Variants in CNTNAP2 observed in about 807,000 individuals in gnomAD.
CNTNAP2 encodes the protein contactin associated protein 2, also known as contactin-associated protein-like 2.
A neutral mutation model predicts 155.2 loss-of-function variants in CNTNAP2; 98 were observed. The ratio of observed to expected loss-of-function variants is 0.63; its 90% CI spans 0.54 to 0.75. The LOEUF (loss-of-function observed/expected upper bound fraction) is 0.75. Ranked by LOEUF, CNTNAP2 falls within the 30% of genes least tolerant of loss-of-function variation. The pLI is 0.00. For missense variants in CNTNAP2, 1,727 were observed against 1,688.1 expected, an observed-to-expected ratio of 1.02 and a Z score of -0.40; for synonymous variants, 651 against 631.2, an observed-to-expected ratio of 1.03 and a Z score of -0.47.
At chr7:148,362,785 C>A (rs560522076) in intron 21 of CNTNAP2, among the ~76,000 whole-genome samples, 34 of 152,136 alleles carry the variant, frequency 2.2e-4, no homozygotes, top group Non-Finnish European at 4.6e-4. Context: ...CACTCCAGCC[C>A]CATGTTTCAA....
At chr7:147,591,995 C>A (rs1385032160) in intron 12 of CNTNAP2, among the ~76,000 whole-genome samples, 1 of 152,164 alleles carries the variant, frequency 6.6e-6, no homozygotes, top group Non-Finnish European at 1.5e-5. Flanking sequence ...CATTAGCATA[C>A]CATCATTTTC....
At chr7:146,158,101 G>A (rs1025850391) in intron 1 of CNTNAP2, among the ~76,000 whole-genome samples, 2 of 152,228 alleles carry the variant, frequency 1.3e-5, no homozygotes, top group African/African-American at 4.8e-5. Flanking sequence ...TTCAGCCTCT[G>A]CTGGTGATAC....
intron 1 of CNTNAP2, among the ~76,000 whole-genome samples, chr7:146,194,908 C>T (rs1253882894): frequency 6.6e-6 from 1 of 152,154 alleles, no homozygotes; most frequent in Non-Finnish European, 1.5e-5. Flanking sequence ...AAATACACTG[C>T]TGGTCACTTC....
intron 4 of CNTNAP2, chr7:147,081,188 A>G (rs1800117227): frequency 6.6e-6 from 1 of 152,132 alleles, no homozygotes; most frequent in African/African-American, 2.4e-5. Flanking sequence ...TTGTTGAGCC[A>G]CATTTGAAAG....
intron 21 of CNTNAP2, among the ~76,000 whole-genome samples, chr7:148,307,372 A>G (rs1318164067): frequency 6.6e-6 from 1 of 152,184 alleles, no homozygotes; most frequent in Non-Finnish European, 1.5e-5. Context: ...AACTCTTGCC[A>G]TCAACTGCAC....
intron 9 of CNTNAP2, among the ~76,000 whole-genome samples, chr7:147,307,578 C>T (rs1172301156): frequency 7.0e-6 from 1 of 143,484 alleles, no homozygotes; most frequent in Non-Finnish European, 1.5e-5. Flanking sequence ...AGCAAAACTC[C>T]ATACCCCACC....
At chr7:146,785,417 C>T (rs1036912323) in intron 2 of CNTNAP2, among the ~76,000 whole-genome samples, 3 of 152,140 alleles carry the variant, frequency 2.0e-5, no homozygotes, top group Non-Finnish European at 4.4e-5. Context: ...CACTTTCATG[C>T]TGTACTTATG....
At chr7:147,954,191 A>G (rs940677061) in intron 14 of CNTNAP2, among the ~76,000 whole-genome samples, 9 of 152,078 alleles carry the variant, frequency 5.9e-5, no homozygotes, top group Non-Finnish European at 1.3e-4. Context: ...ACTTTAATAC[A>G]TTCTGCTTTG....
chr7:147,312,327 T>G (rs1191006275), intron 9 of CNTNAP2, among the ~76,000 whole-genome samples: 1 of 151,766 alleles, frequency 6.6e-6, no homozygotes, highest in African/African-American at 2.4e-5. Flanking sequence ...TAGTTACATA[T>G]GTATACATGT....
chr7:148,173,458 C>A (rs1794868217), intron 18 of CNTNAP2, among the ~76,000 whole-genome samples: 3 of 152,228 alleles, frequency 2.0e-5, no homozygotes, highest in Admixed American at 6.5e-5. Context: ...GTTGTTTACA[C>A]TGGCATTATT....
chr7:147,245,339 C>T (rs1168648041), intron 8 of CNTNAP2, among the ~76,000 whole-genome samples: 1 of 151,992 alleles, frequency 6.6e-6, no homozygotes, highest in Non-Finnish European at 1.5e-5. Context: ...TGACCTTCCT[C>T]AGTGTATTAC....
At chr7:147,474,233 G>A (rs1798276620) in intron 10 of CNTNAP2, among the ~76,000 whole-genome samples, 1 of 8,172 alleles carries the variant, frequency 1.2e-4, no homozygotes, top group South Asian at 3.1e-3. Context: ...AGGATATGAT[G>A]GGGTTGCAGA....
intron 18 of CNTNAP2, among the ~76,000 whole-genome samples, chr7:148,173,742 A>G (rs1056960198): frequency 2.0e-5 from 3 of 152,254 alleles, no homozygotes; most frequent in Admixed American, 2.0e-4. Context: ...TGCAGAACAC[A>G]TTAATTTTGC....
intron 13 of CNTNAP2, among the ~76,000 whole-genome samples, chr7:147,771,305 A>C (rs1797465040): frequency 6.6e-6 from 1 of 152,226 alleles, no homozygotes; most frequent in African/African-American, 2.4e-5. Context: ...TTTTACACAC[A>C]AAAAAGCACA....
At chr7:146,124,875 T>C (rs1280113448) in intron 1 of CNTNAP2, among the ~76,000 whole-genome samples, 4 of 152,198 alleles carry the variant, frequency 2.6e-5, no homozygotes, top group African/African-American at 9.7e-5. Context: ...GATTTGAATG[T>C]GGCCATAGAA....
At chr7:146,851,278 C>T (rs1794872974) in intron 3 of CNTNAP2, among the ~76,000 whole-genome samples, 1 of 152,078 alleles carries the variant, frequency 6.6e-6, no homozygotes, top group Admixed American at 6.6e-5. Flanking sequence ...AGCCACGGCA[C>T]CTGGGCTTTT....
At chr7:147,972,757 T>C (rs1801355841) in intron 14 of CNTNAP2, among the ~76,000 whole-genome samples, 1 of 152,178 alleles carries the variant, frequency 6.6e-6, no homozygotes, top group South Asian at 2.1e-4. Flanking sequence ...AGTTACTGAA[T>C]ATCTCCCTAA....
At chr7:146,970,239 A>C (rs1368597202) in intron 3 of CNTNAP2, among the ~76,000 whole-genome samples, 2 of 152,212 alleles carry the variant, frequency 1.3e-5, no homozygotes, top group Non-Finnish European at 2.9e-5. Flanking sequence ...GAGCTTCTGC[A>C]CAGCAAAAGA....
chr7:146,907,164 C>A (rs1242765862), intron 3 of CNTNAP2, among the ~76,000 whole-genome samples: 3 of 152,076 alleles, frequency 2.0e-5, no homozygotes, highest in African/African-American at 7.2e-5. Flanking sequence ...AAGACCAAAT[C>A]TACGTCTGAT....
Sources: gnomAD v4.1 joint callset for allele counts (sites outside exome capture counted in the v4.1 genomes callset) on GRCh38, gnomAD v4.1.1 for gene constraint, MANE v1.5 for transcripts, NCBI Gene and HGNC (gene_info 2026-07-23, HGNC 2026-07-21) for gene names.